The following CHRM3 variants were observed in gnomAD, a reference collection of about 807,000 sequenced individuals.
CHRM3 encodes muscarinic acetylcholine receptor M3.
CHRM3 carries 11 observed loss-of-function variants against 41.8 expected under a neutral mutation model. The ratio of observed to expected loss-of-function variants is 0.26; its 90% CI spans 0.17 to 0.44. CHRM3 has a LOEUF of 0.44. Among genes scored for constraint, CHRM3 ranks in the 20% least tolerant of loss-of-function variants. The pLI is 1.00. For synonymous variants in CHRM3, 297 were observed against 301.4 expected, an observed-to-expected ratio of 0.99 and a Z score of 0.15; for missense variants, 571 against 745.4, an observed-to-expected ratio of 0.77 and a Z score of 2.72.
At chr1:239,491,808 G>A (rs1048112294) in intron 1 of CHRM3, among the ~76,000 whole-genome samples, 2 of 152,114 alleles carry the variant, frequency 1.3e-5, no homozygotes, top group African/African-American at 4.8e-5. Flanking sequence ...AATCAACAGT[G>A]CTGTTTCTAT....
intron 2 of CHRM3, among the ~76,000 whole-genome samples, chr1:239,540,425 C>G (rs1280078786): frequency 2.6e-5 from 4 of 152,052 alleles, no homozygotes; most frequent in Non-Finnish European, 5.9e-5. Context: ...TTTCCATTCC[C>G]AATAGTAAAA....
intron 1 of CHRM3, among the ~76,000 whole-genome samples, chr1:239,437,814 A>G (rs1003300041): frequency 1.3e-5 from 2 of 152,234 alleles, no homozygotes; most frequent in South Asian, 4.1e-4. Context: ...ATCGGAAACT[A>G]GAGACCACTG....
At position 239,821,325 on chromosome 1, in the gene CHRM3, T is replaced by A. The variant is rs910595426; in HGVS notation, c.-146-5927T>A. Among the ~76,000 whole-genome samples, 7 of 152,356 alleles carry A rather than the reference T, an allele frequency of 4.6e-5. 1 individual carries two copies. The highest frequency in any genetic ancestry group is 1.7e-4 in the African/African-American group (7 of 41,582). ...TGGCATTTGTAATCTGTGCCTCAGT[T>A]AACATACTTCAGCATATGGGGTAGG... On this transcript the variant is annotated intron_variant, in intron 5 of 6. Transcript: ENST00000676153.
At chr1:239,452,069 C>A (rs1664596431) in intron 1 of CHRM3, among the ~76,000 whole-genome samples, 1 of 152,038 alleles carries the variant, frequency 6.6e-6, no homozygotes, top group Admixed American at 6.6e-5. Context: ...TTTCTTGTAA[C>A]TATGTAATAG....
At chr1:239,552,534 T>C (rs1220719212) in intron 3 of CHRM3, among the ~76,000 whole-genome samples, 1 of 147,462 alleles carries the variant, frequency 6.8e-6, no homozygotes, top group African/African-American at 2.5e-5. Flanking sequence ...AACGATAAGC[T>C]CACTGCAGCC....
chr1:239,684,880 G>A (rs995940131), intron 5 of CHRM3, among the ~76,000 whole-genome samples: 8 of 152,092 alleles, frequency 5.3e-5, no homozygotes, highest in Admixed American at 3.9e-4. Context: ...TTGGAGATTG[G>A]AGGGGAAAAG....
chr1:239,670,725 AC>A (rs1400347512), intron 4 of CHRM3, among the ~76,000 whole-genome samples: 1 of 151,746 alleles, frequency 6.6e-6, no homozygotes, highest in Non-Finnish European at 1.5e-5. Context: ...ATGAGGTTTC[AC>A]CATGTTGATC....
chr1:239,404,034 C>A, intron 1 of CHRM3, among the ~76,000 whole-genome samples: 1 of 139,566 alleles, frequency 7.2e-6, no homozygotes, highest in Non-Finnish European at 1.5e-5. Context: ...CGGTGGCTCA[C>A]GCCTGTAATC....
chr1:239,448,033 C>G (rs554270672), intron 1 of CHRM3, among the ~76,000 whole-genome samples: 1 of 152,262 alleles, frequency 6.6e-6, no homozygotes, highest in East Asian at 1.9e-4. Context: ...GGATTCCAGT[C>G]TGGGTTCTAC....
chr1:239,812,415 A>T (rs2148988764), intron 5 of CHRM3, among the ~76,000 whole-genome samples: 1 of 152,324 alleles, frequency 6.6e-6, no homozygotes, highest in Non-Finnish European at 1.5e-5. Context: ...TGGTGGCATT[A>T]GGTAAATGCC....
intron 3 of CHRM3, among the ~76,000 whole-genome samples, chr1:239,558,647 A>G (rs1443054581): frequency 6.6e-6 from 1 of 152,176 alleles, no homozygotes; most frequent in East Asian, 1.9e-4. Context: ...AGCATCCTCC[A>G]CAGTCAAACG....
At chr1:239,859,413 G>GTTTTTTT (rs1331316835) in intron 6 of CHRM3, among the ~76,000 whole-genome samples, 4 of 113,258 alleles carry the variant, frequency 3.5e-5, no homozygotes, top group Non-Finnish European at 7.3e-5. Flanking sequence ...TGTTGTTGTT[G>GTTTTTTT]TTGTTGTTTT....
chr1:239,861,083 C>T (rs1675600429), intron 6 of CHRM3, among the ~76,000 whole-genome samples: 1 of 152,104 alleles, frequency 6.6e-6, no homozygotes, highest in South Asian at 2.1e-4. Context: ...CTATCAGTAA[C>T]CTCTATTATT....
chr1:239,746,947 G>A (rs1298242948), intron 5 of CHRM3, among the ~76,000 whole-genome samples: 4 of 151,736 alleles, frequency 2.6e-5, no homozygotes, highest in East Asian at 3.9e-4. Context: ...TAGTAGAGAC[G>A]GGGTTTCACC....
rs777633178 is a variant in CHRM3, at chr1:239,907,433, A to C, written c.-19A>C. 2.5e-6 allele frequency: 4 copies of C among 1,597,620 alleles called. No individual in the cohort carries two copies. In the South Asian group the frequency reaches 4.5e-5, roughly 18 times the overall value. The stretch of plus-strand genomic sequence containing the variant: ...TCTGTCTCTTCTCTCTTTCCCCCAG[A>C]CTATGTCAGAGAGTCACAATGACCT... On this transcript the variant is annotated splice_region_variant and 5_prime_UTR_variant, in exon 7 of 7. Coordinates refer to ENST00000676153, the MANE Select transcript of CHRM3 (RefSeq NM_001375978.1). This position sits in a 1 kb window ranked among gnomAD's most constrained non-coding sequence, Gnocchi z 5.4.
intron 6 of CHRM3, among the ~76,000 whole-genome samples, chr1:239,890,689 G>A (rs1056538651): frequency 6.6e-6 from 1 of 152,172 alleles, no homozygotes; most frequent in African/African-American, 2.4e-5. Flanking sequence ...TTCATAGCAT[G>A]TTGTATATGC....
chr1:239,883,616 C>A (rs1677829581), intron 6 of CHRM3, among the ~76,000 whole-genome samples: 1 of 152,128 alleles, frequency 6.6e-6, no homozygotes, highest in African/African-American at 2.4e-5. Flanking sequence ...GAAACTGAGG[C>A]AGAGAAATTG....
intron 4 of CHRM3, among the ~76,000 whole-genome samples, chr1:239,639,618 C>G (rs577825521): frequency 1.3e-5 from 2 of 151,260 alleles, no homozygotes; most frequent in South Asian, 4.2e-4. Context: ...GATTTTGTAT[C>G]CTGAGACTTT....
chr1:239,475,579 T>C (rs79993105), intron 1 of CHRM3, among the ~76,000 whole-genome samples: 4,183 of 152,162 alleles, frequency 0.027, 84 homozygotes, highest in Non-Finnish European at 0.042. Flanking sequence ...GATCTTAGAA[T>C]AGAAAAAGGC....
Sources: gnomAD v4.1 joint callset for allele counts (sites outside exome capture counted in the v4.1 genomes callset) on GRCh38, gnomAD v4.1.1 for gene constraint, Gnocchi (gnomAD v3.1) non-coding constraint, MANE v1.5 for transcripts, NCBI Gene and HGNC (gene_info 2026-07-23, HGNC 2026-07-21) for gene names.